Variants in STK32C observed in about 807,000 individuals in gnomAD.
The protein encoded by STK32C is serine/threonine-protein kinase 32C.
STK32C carries 31 observed loss-of-function variants against 56.5 expected under a neutral mutation model. That is an observed-to-expected ratio of 0.55 (90% CI 0.41 to 0.74). The LOEUF (loss-of-function observed/expected upper bound fraction) is 0.74. Ranked by LOEUF, STK32C falls within the 30% of genes least tolerant of loss-of-function variation. The probability of loss-of-function intolerance (pLI) is 0.00; values close to 1 mark genes in which losing one functional copy is unlikely to be tolerated. For missense variants in STK32C, 544 were observed against 676.9 expected (o/e 0.80, Z 2.18); for synonymous variants, 309 against 289.4 (o/e 1.07, Z -0.69).
intron 2 of STK32C, among the ~76,000 whole-genome samples, chr10:132,244,316 C>A (rs2063608530): frequency 6.6e-6 from 1 of 152,246 alleles, no homozygotes; most frequent in Admixed American, 6.5e-5. Flanking sequence ...CCGCCCATTT[C>A]TGGGCCAGCT....
chr10:132,305,339 G>A (rs1360139174), intron 1 of STK32C, among the ~76,000 whole-genome samples: 1 of 152,192 alleles, frequency 6.6e-6, no homozygotes. Flanking sequence ...TCGCAACTAT[G>A]CCTATCAGTT....
rs2063672411 is a variant in STK32C at position 132,245,971 on chromosome 10, G to A, written c.263-16C>T. 1.2e-6 allele frequency: 2 copies of A among 1,613,334 alleles called. No individual in the cohort carries two copies. Among genetic ancestry groups the A allele is most frequent in the Non-Finnish European group, 1.7e-6 (2 of 1,179,916 alleles). On this transcript the variant is annotated splice_polypyrimidine_tract_variant and intron_variant, in intron 1 of 11. Coordinates refer to ENST00000298630, the MANE Select transcript of STK32C (RefSeq NM_173575.4). ...TCGAAGTTCACTGCAGGATAAAACA[G>A]AGGGACACCTGGTGAGGTGGCAGCA...
intron 10 of STK32C, among the ~76,000 whole-genome samples, chr10:132,211,370 G>A (rs569686264): frequency 2.0e-5 from 3 of 152,336 alleles, no homozygotes; most frequent in South Asian, 2.1e-4. Flanking sequence ...AGCGCCCGTC[G>A]TGGCCCTGTG....
Position 132,208,110 on chromosome 10 carries a change from G to A in STK32C, c.1361C>T (p.Ala454Val), listed in dbSNP as rs935875905. The A allele has an allele frequency of 5.3e-6, 7 of 1,310,986 alleles. No individual in the cohort carries two copies. The Admixed American group carries it at 9.2e-5, about 17-fold the overall frequency. 81.2% of individuals were successfully genotyped at this position (1,310,986 alleles called of 1,614,324 possible). A position where few individuals can be genotyped will look rare whatever the true frequency, so the allele number is the denominator to read the frequency against. ...CTCCGCAGCATCCCTGGACTCAGGG[G>A]CGGGGAGAGGCTCCCTCGGGAGGTC... The part of the protein sequence containing the change: ...SQDLPREPLP[A>V]PESRDAAEPV... The change falls in exon 12 of 12, where the codon GCC becomes GTC. Residue 454 changes from alanine to valine, a missense_variant. Ala to Val is a moderately conservative substitution (Grantham distance 64). Coordinates refer to ENST00000298630, the MANE Select transcript of STK32C (RefSeq NM_173575.4).
intron 1 of STK32C, among the ~76,000 whole-genome samples, chr10:132,269,039 G>A (rs1358236185): frequency 1.3e-5 from 2 of 150,726 alleles, no homozygotes; most frequent in African/African-American, 2.4e-5. Flanking sequence ...GTCCCACATC[G>A]TGTGTGTGTG....
chr10:132,248,696 C>T (rs935691248), intron 1 of STK32C, among the ~76,000 whole-genome samples: 3 of 152,234 alleles, frequency 2.0e-5, no homozygotes, highest in Non-Finnish European at 2.9e-5. Context: ...GTGCCAGGCC[C>T]CTGACCCTGG....
In STK32C at chr10:132,207,849, G is replaced by C; in HGVS notation, c.*161C>G. ...CTGCACCCACAGCCTCTTGTCCCCT[G>C]CACCACCACGAGCCTGAGGTGTGAA... On this transcript the variant is annotated 3_prime_UTR_variant, in exon 12 of 12. Transcript: ENST00000298630. The C allele has an allele frequency of 1.1e-6, 1 of 876,620 alleles. No individual in the cohort carries two copies. The highest frequency in any genetic ancestry group is 6.1e-5 in the South Asian group (1 of 16,270). 54.3% of individuals were successfully genotyped at this position (876,620 alleles called of 1,614,324 possible).
At chr10:132,227,036 T>A (rs2062915621) in intron 3 of STK32C, 68 bp from the exon 4 acceptor site, 3 of 1,560,412 alleles carry the variant, frequency 1.9e-6, no homozygotes, top group African/African-American at 2.7e-5. Flanking sequence ...CTCCCACAGC[T>A]GACACACTCC....
At chr10:132,271,107 A>G (rs1292996241) in intron 1 of STK32C, among the ~76,000 whole-genome samples, 1 of 152,132 alleles carries the variant, frequency 6.6e-6, no homozygotes, top group Non-Finnish European at 1.5e-5. Flanking sequence ...CTAGGGCTCC[A>G]TTATCAGATA....
intron 9 of STK32C, 22 bp from the exon 10 acceptor site, chr10:132,222,794 G>A (rs1230520752): frequency 2.5e-6 from 4 of 1,593,264 alleles, no homozygotes; most frequent in Non-Finnish European, 3.4e-6. Flanking sequence ...TGGGTGCTGA[G>A]CCCCGGCCCG....
chr10:132,217,703 T>C (rs1263395218), intron 10 of STK32C, among the ~76,000 whole-genome samples: 2 of 152,168 alleles, frequency 1.3e-5, no homozygotes, highest in Non-Finnish European at 2.9e-5. Flanking sequence ...TGATAGTGAA[T>C]GAGTCTCATG....
chr10:132,285,127 A>G (rs1460573031), intron 1 of STK32C, among the ~76,000 whole-genome samples: 1 of 149,764 alleles, frequency 6.7e-6, no homozygotes, highest in Non-Finnish European at 1.5e-5. Flanking sequence ...AAGACCAGGC[A>G]TGAACCCGGA....
intron 1 of STK32C, among the ~76,000 whole-genome samples, chr10:132,300,317 T>G (rs1421515697): frequency 1.3e-5 from 2 of 152,140 alleles, no homozygotes; most frequent in Non-Finnish European, 2.9e-5. Flanking sequence ...AACATCGAGA[T>G]GGGTTTCCAC....
intron 1 of STK32C, among the ~76,000 whole-genome samples, chr10:132,314,165 G>T (rs2066272886): frequency 6.6e-6 from 1 of 152,156 alleles, no homozygotes; most frequent in African/African-American, 2.4e-5. Context: ...ATAAAGGAGG[G>T]GCAAATCAAT....
chr10:132,273,202 A>G (rs2064884068), intron 1 of STK32C, among the ~76,000 whole-genome samples: 1 of 152,092 alleles, frequency 6.6e-6, no homozygotes, highest in African/African-American at 2.4e-5. Flanking sequence ...GAATAGGCTG[A>G]CGGGGCATCT....
At chr10:132,271,279 T>G (rs749833829) in intron 1 of STK32C, among the ~76,000 whole-genome samples, 1 of 152,096 alleles carries the variant, frequency 6.6e-6, no homozygotes, top group Non-Finnish European at 1.5e-5. Context: ...ACACCCCATC[T>G]GTAAAGCAGG....
chr10:132,266,929 G>C (rs1217546608), intron 1 of STK32C, among the ~76,000 whole-genome samples: 1 of 152,098 alleles, frequency 6.6e-6, no homozygotes, highest in Non-Finnish European at 1.5e-5. Flanking sequence ...TGGGGGTGGG[G>C]AGGGCTGCGC....
At chr10:132,275,577 C>T (rs558563659) in intron 1 of STK32C, among the ~76,000 whole-genome samples, 26 of 152,342 alleles carry the variant, frequency 1.7e-4, no homozygotes, top group Admixed American at 2.6e-4. Flanking sequence ...ACTCCGCCGA[C>T]GTGTCACTGC....
At chr10:132,315,862 A>G (rs1237750953) in intron 1 of STK32C, among the ~76,000 whole-genome samples, 2 of 152,274 alleles carry the variant, frequency 1.3e-5, no homozygotes, top group East Asian at 1.9e-4. Context: ...GAAATAATAT[A>G]TAATGTGTTA....
Sources: allele counts gnomAD v4.1 joint callset (sites outside exome capture counted in the v4.1 genomes callset), GRCh38; gene constraint gnomAD v4.1.1; transcripts MANE v1.5; gene names NCBI Gene and HGNC (gene_info 2026-07-23, HGNC 2026-07-21).